COMMD1: variants seen among roughly 807,000 people sequenced by gnomAD.
The protein encoded by COMMD1 is COMM domain-containing protein 1.
Under a neutral mutation model 17.2 loss-of-function variants are expected in COMMD1, and 10 were observed. The observed-to-expected ratio is 0.58, with a 90% CI of 0.36 to 0.99. The LOEUF (loss-of-function observed/expected upper bound fraction) is 0.99, where lower values mean the gene tolerates loss of function less well. COMMD1 is among the 50% of genes least tolerant of loss of function. The pLI is 0.01. For synonymous variants in COMMD1, 97 were observed against 91.6 expected, an observed-to-expected ratio of 1.06 and a Z score of -0.34; for missense variants, 270 against 231.8, an observed-to-expected ratio of 1.17 and a Z score of -1.07.
chr2:61,889,173 G>A (rs1353514774), intron 1 of COMMD1, among the ~76,000 whole-genome samples: 1 of 139,432 alleles, frequency 7.2e-6, no homozygotes, highest in African/African-American at 2.7e-5. Flanking sequence ...AAAGTGTTGG[G>A]ATTACAGGCG....
intron 2 of COMMD1, among the ~76,000 whole-genome samples, chr2:62,069,118 C>T (rs896471479): frequency 6.6e-6 from 1 of 152,016 alleles, no homozygotes; most frequent in Non-Finnish European, 1.5e-5. Context: ...TATTCTGGTT[C>T]TATTTTTACT....
chr2:61,960,731 A>C lies in COMMD1; in HGVS notation c.181-39970A>C, dbSNP rs1447948393. On this transcript the variant is annotated intron_variant, in intron 1 of 2. Coordinates refer to ENST00000311832, the MANE Select transcript of COMMD1 (RefSeq NM_152516.4). ...GACTGGTAGACCCTAATTGCTCTGC[A>C]ATTCCTTTCTTTCCCCCTCGGGAGG... 2.0e-5 allele frequency among the ~76,000 whole-genome samples: 3 copies of C among 152,258 alleles called. No individual in the cohort carries two copies. In the East Asian group the frequency reaches 5.8e-4, roughly 29 times the overall value.
chr2:61,973,779 T>A (rs1045815283), intron 1 of COMMD1, among the ~76,000 whole-genome samples: 11 of 152,222 alleles, frequency 7.2e-5, no homozygotes, highest in Admixed American at 1.3e-4. Context: ...TATCTTTTGC[T>A]ATTTAAAAAA....
chr2:62,076,173 T>G (rs1162794598), intron 2 of COMMD1, among the ~76,000 whole-genome samples: 1 of 152,250 alleles, frequency 6.6e-6, no homozygotes, highest in Non-Finnish European at 1.5e-5. Flanking sequence ...CAGTAATTTG[T>G]TGAATGCTTA....
chr2:62,133,762 G>T (rs575521345), intron 2 of COMMD1, among the ~76,000 whole-genome samples: 1 of 152,208 alleles, frequency 6.6e-6, no homozygotes, highest in East Asian at 1.9e-4. Flanking sequence ...TCATCATGGT[G>T]TCAGCTTTCC....
At chr2:62,065,490 CT>C (rs762805447) in intron 2 of COMMD1, among the ~76,000 whole-genome samples, 1 of 151,622 alleles carries the variant, frequency 6.6e-6, no homozygotes, top group African/African-American at 2.4e-5. Context: ...CACCTGACTA[CT>C]TTTTTTATGT....
intron 2 of COMMD1, among the ~76,000 whole-genome samples, chr2:62,079,516 T>A (rs1363955078): frequency 6.6e-6 from 1 of 152,246 alleles, no homozygotes; most frequent in Non-Finnish European, 1.5e-5. Context: ...AGAGGCTAGA[T>A]GCTGGGAAGG....
intron 1 of COMMD1, among the ~76,000 whole-genome samples, chr2:61,922,233 C>T (rs1670218020): frequency 2.0e-5 from 3 of 152,198 alleles, no homozygotes; most frequent in Non-Finnish European, 4.4e-5. Flanking sequence ...TAAAGATTTA[C>T]GCTAAAAGCG....
At chr2:61,925,744 C>T (rs749021355) in intron 1 of COMMD1, among the ~76,000 whole-genome samples, 91 of 152,236 alleles carry the variant, frequency 6.0e-4, no homozygotes, top group Non-Finnish European at 9.1e-4. Flanking sequence ...CTCTGGGCCT[C>T]ATAATTTAAA....
chr2:62,078,565 AAAAG>A (rs1671420483), intron 2 of COMMD1, among the ~76,000 whole-genome samples: 1 of 144,244 alleles, frequency 6.9e-6, no homozygotes, highest in African/African-American at 2.6e-5. Context: ...AAAAAAAAAA[AAAAG>A]AAAAGAAAAA....
chr2:61,937,619 G>A (rs1670637542), intron 1 of COMMD1, among the ~76,000 whole-genome samples: 1 of 152,156 alleles, frequency 6.6e-6, no homozygotes, highest in African/African-American at 2.4e-5. Context: ...AAAAGCCAAA[G>A]GTGAGGTTAC....
At chr2:62,042,059 TGATTGGTCCATTTTACAGAGCACC>T (rs1034597419) in intron 2 of COMMD1, among the ~76,000 whole-genome samples, 5 of 152,182 alleles carry the variant, frequency 3.3e-5, no homozygotes, top group East Asian at 3.9e-4. Flanking sequence ...TACAGAGAGC[TGATTGGTCCATTTTACAGAGCACC>T]GATTGGTCCA....
chr2:62,065,435 C>CATCTCAGCCTCCT (rs1671010021), intron 2 of COMMD1, among the ~76,000 whole-genome samples: 1 of 144,912 alleles, frequency 6.9e-6, no homozygotes, highest in Non-Finnish European at 1.5e-5. Flanking sequence ...GCAAGTCTCC[C>CATCTCAGCCTCCT]ATCTCAGCCT....
chr2:62,086,341 C>G (rs549563914), intron 2 of COMMD1, among the ~76,000 whole-genome samples: 2 of 152,188 alleles, frequency 1.3e-5, no homozygotes, highest in South Asian at 4.1e-4. Flanking sequence ...AACCCTGTCT[C>G]TACTAAAAAT....
rs549795275 is a variant in COMMD1, at chr2:62,074,665, C to T, written c.463-61166C>T. On this transcript the variant is annotated intron_variant, in intron 2 of 2. Transcript: ENST00000311832. ...TTGTCTTCTCTATCTTGTCTATTAT[C>T]ATTTTCACAGCACAGGAAAAACAAA... Among the ~76,000 whole-genome samples the T allele has an allele frequency of 2.0e-5, 3 of 152,280 alleles. No homozygotes were observed. The East Asian group carries it at 5.8e-4, about 29-fold the overall frequency.
chr2:61,935,315 G>T (rs889710077), intron 1 of COMMD1, among the ~76,000 whole-genome samples: 4 of 152,246 alleles, frequency 2.6e-5, no homozygotes, highest in Non-Finnish European at 5.9e-5. Context: ...GGAAGGGTAG[G>T]TTGTAGTTTT....
chr2:62,065,165 AG>A, intron 2 of COMMD1, among the ~76,000 whole-genome samples: 1 of 152,262 alleles, frequency 6.6e-6, no homozygotes, highest in African/African-American at 2.4e-5. Flanking sequence ...TGTCAGAGCA[AG>A]ACCCTGTCTC....
intron 2 of COMMD1, among the ~76,000 whole-genome samples, chr2:62,001,421 G>T (rs770855725): frequency 6.6e-6 from 1 of 152,138 alleles, no homozygotes; most frequent in African/African-American, 2.4e-5. Context: ...TACATTGTTC[G>T]TAAAGACCCC....
At chr2:61,962,482 G>GA (rs1439464106) in intron 1 of COMMD1, among the ~76,000 whole-genome samples, 2 of 152,170 alleles carry the variant, frequency 1.3e-5, no homozygotes, top group Non-Finnish European at 2.9e-5. Flanking sequence ...GGTAACTCCA[G>GA]AAAGACTGTG....
Sources: gnomAD v4.1 joint callset for allele counts (sites outside exome capture counted in the v4.1 genomes callset) on GRCh38, gnomAD v4.1.1 for gene constraint, MANE v1.5 for transcripts, NCBI Gene and HGNC (gene_info 2026-07-23, HGNC 2026-07-21) for gene names.